ZXDC: variants seen among roughly 807,000 people sequenced by gnomAD.
ZXDC encodes ZXD family zinc finger C.
ZXDC carries 58 observed loss-of-function variants against 63.6 expected under a neutral mutation model. The ratio of observed to expected loss-of-function variants is 0.91; its 90% CI spans 0.74 to 1.13. The LOEUF (loss-of-function observed/expected upper bound fraction) is 1.13, where lower values mean the gene tolerates loss of function less well. Ranked by LOEUF, ZXDC falls within the 50% of genes most tolerant of loss-of-function variation. The probability of loss-of-function intolerance (pLI) is 0.00; values close to 1 mark genes in which losing one functional copy is unlikely to be tolerated. For missense variants in ZXDC, 1,133 were observed against 1,148.9 expected, an observed-to-expected ratio of 0.99 and a Z score of 0.20; for synonymous variants, 561 against 496.1, an observed-to-expected ratio of 1.13 and a Z score of -1.74.
At chr3:126,439,576 G>C in intron 9 of ZXDC, 56 bp downstream of exon 9, 6 of 1,550,808 alleles carry the variant, frequency 3.9e-6, no homozygotes, top group Non-Finnish European at 5.2e-6. Context: ...GCTTCTGGAA[G>C]TCGAAGGCTC....
At chr3:126,453,353 C>T (rs748068705) in intron 7 of ZXDC, 1 of 985,356 alleles carries the variant, frequency 1.0e-6, no homozygotes, top group Non-Finnish European at 1.2e-6. Flanking sequence ...TTTTCTTTGG[C>T]CCATACCAAA....
intron 5 of ZXDC, among the ~76,000 whole-genome samples, 162 bp from the exon 6 acceptor site, chr3:126,462,382 G>A (rs929610882): frequency 6.6e-5 from 10 of 152,150 alleles, no homozygotes; most frequent in South Asian, 6.2e-4. Context: ...ATGGCCGGTC[G>A]CTCAGGGCAA....
rs1934575147 is a variant in ZXDC at position 126,462,084 on chromosome 3, T to C, written c.1578A>G (p.Ala526=). 6.2e-7 allele frequency: 1 copy of C among 1,614,116 alleles called. No individual in the cohort carries two copies. The highest frequency in any genetic ancestry group is 8.5e-7 in the Non-Finnish European group (1 of 1,180,004). The change falls in exon 6 of 10, where the codon GCA becomes GCG. Residue 526 remains alanine, a synonymous_variant. Transcript: ENST00000389709. ...SDTPANASGS[A]GGSDEALNSG... ...AGTTCAGAGCCTCATCCGACCCACC[T>C]GCAGAACCACTAGCATTGGCAGGTG...
intron 8 of ZXDC, chr3:126,441,467 A>C (rs1373765224): frequency 7.6e-6 from 9 of 1,179,838 alleles, no homozygotes; most frequent in African/African-American, 1.6e-5. Flanking sequence ...GGCCTCGGGC[A>C]GGGAGGCGGG....
intron 5 of ZXDC, among the ~76,000 whole-genome samples, chr3:126,463,431 T>G (rs977093724): frequency 1.3e-5 from 2 of 152,224 alleles, no homozygotes; most frequent in Non-Finnish European, 2.9e-5. Flanking sequence ...ATAATACTCT[T>G]TAAATATTTG....
rs199666515 is a variant in ZXDC at position 126,461,583 on chromosome 3, G to A, written c.2079C>T (p.His693=). ...CACTGAGCTCTGTGTCCTGGGCACC[G>A]TGCTGCTCTGCTGGACTGGGCAACG... ...QSTLPSPAEQ[H]GAQDTELSAG... The change falls in exon 6 of 10, where the codon CAC becomes CAT. Residue 693 remains histidine, a synonymous_variant. Coordinates refer to ENST00000389709, the MANE Select transcript of ZXDC (RefSeq NM_025112.5). The A allele has an allele frequency of 1.1e-3, 1,755 of 1,614,170 alleles. 5 individuals are homozygous for A. The highest frequency in any genetic ancestry group is 1.4e-3 in the Non-Finnish European group (1,690 of 1,180,032).
chr3:126,470,825 C>T (rs766952346), intron 4 of ZXDC, 70 bp downstream of exon 4: 39 of 1,586,972 alleles, frequency 2.5e-5, no homozygotes, highest in Non-Finnish European at 2.9e-5. Context: ...CTTTAAACAA[C>T]GGAAACTTAA....
chr3:126,474,096 G>A (rs1935085035), intron 1 of ZXDC, among the ~76,000 whole-genome samples: 1 of 139,308 alleles, frequency 7.2e-6, no homozygotes, highest in Non-Finnish European at 1.5e-5. Flanking sequence ...ACGGTGTCTC[G>A]CTCTGTCGCC....
intron 8 of ZXDC, chr3:126,440,246 C>T (rs1933625085): frequency 1.0e-6 from 1 of 993,092 alleles, no homozygotes; most frequent in Admixed American, 5.6e-5. Context: ...ATCTGTCCCA[C>T]ACTTCGCCTG....
chr3:126,444,798 T>C (rs1576662764), intron 7 of ZXDC, among the ~76,000 whole-genome samples: 1 of 152,234 alleles, frequency 6.6e-6, no homozygotes, highest in Non-Finnish European at 1.5e-5. Flanking sequence ...AAATGTGTGC[T>C]AGAATGTATG....
In ZXDC at chr3:126,466,154, C is replaced by T; in HGVS notation, c.1441+1G>A. 6.2e-7 allele frequency: 1 copy of T among 1,612,524 alleles called. No individual in the cohort carries two copies. The highest frequency in any genetic ancestry group is 2.2e-5 in the East Asian group (1 of 44,850). On this transcript the variant is annotated splice_donor_variant, in intron 5 of 9. Transcript: ENST00000389709. LOFTEE classifies it high-confidence loss of function. ...CCATGGGGGCCGTGGAAAGTGCAGA[C>T]CTTGGCGCCGGCTGTGCTGTCTGAC... is the stretch of plus-strand genomic sequence containing the variant.
chr3:126,438,555 G>A, intron 9 of ZXDC, 94 bp from the exon 10 acceptor site: 1 of 1,101,872 alleles, frequency 9.1e-7, no homozygotes, highest in Admixed American at 2.5e-5. Flanking sequence ...CAGGCCCGTG[G>A]TGAGATACCT....
chr3:126,470,730 C>G (rs1217727552), intron 4 of ZXDC, among the ~76,000 whole-genome samples, 165 bp downstream of exon 4: 1 of 152,146 alleles, frequency 6.6e-6, no homozygotes, highest in African/African-American at 2.4e-5. Flanking sequence ...TCACTGCTCC[C>G]AAAATAGTAC....
chr3:126,467,545 G>A (rs1335082074), intron 4 of ZXDC, among the ~76,000 whole-genome samples: 2 of 152,186 alleles, frequency 1.3e-5, no homozygotes, highest in African/African-American at 4.8e-5. Context: ...AAGGAAAGAG[G>A]CTATGAAGAT....
Position 126,475,477 on chromosome 3 carries a change from G to A in ZXDC, c.389C>T (p.Thr130Ile), listed in dbSNP as rs780322245. Residue 130 changes from threonine to isoleucine, a missense_variant, in exon 1 of 10, where the codon ACC becomes ATC. Thr to Ile is a moderately conservative substitution (Grantham distance 89). Transcript: ENST00000389709. ...GPGVAPAGAV[T>I]ISSQDLLVRL... ...CACCAGCAGGTCCTGGCTGCTGATG[G>A]TGACGGCGCCCGCCGGGGCTACGCC... The A allele has an allele frequency of 2.5e-6, 3 of 1,213,916 alleles. No homozygotes were observed. The South Asian group carries it at 1.1e-4, about 44-fold the overall frequency. 75.2% of individuals were successfully genotyped at this position (1,213,916 alleles called of 1,614,324 possible).
chr3:126,450,590 G>A (rs529954140), intron 7 of ZXDC: 57 of 454,448 alleles, frequency 1.3e-4, no homozygotes, highest in Non-Finnish European at 2.1e-4. Flanking sequence ...GTGCACCTCC[G>A]GACTGACCGC....
chr3:126,444,519 G>A (rs371125063), intron 7 of ZXDC, among the ~76,000 whole-genome samples: 37 of 150,626 alleles, frequency 2.5e-4, no homozygotes, highest in African/African-American at 7.7e-4. Flanking sequence ...GTGACAGAGC[G>A]AGACTCCCTC....
At chr3:126,440,160 G>A (rs1576657320) in intron 8 of ZXDC, 2 of 1,008,328 alleles carry the variant, frequency 2.0e-6, no homozygotes, top group South Asian at 8.4e-5. Context: ...CGGGCCAGCT[G>A]GAAGGACCAG....
chr3:126,475,288 T>A lies in ZXDC; in HGVS notation c.578A>T (p.Lys193Met). Reference protein sequence around the residue: ...ALAFAKKHQLKVHLLTHGGGQ... With the variant: ...ALAFAKKHQLMVHLLTHGGGQ... ...GCCGCCGTGCGTGAGCAGGTGCACCTTGAGCTGGTGCTTCTTGGCGAAGGC... is the reference window on the plus strand; with the variant it reads ...GCCGCCGTGCGTGAGCAGGTGCACCATGAGCTGGTGCTTCTTGGCGAAGGC... The change falls in exon 1 of 10, where the codon AAG becomes ATG. Residue 193 changes from lysine to methionine, a missense_variant. By Grantham distance (95) the Lys-to-Met change is moderately conservative. Transcript: ENST00000389709. 6.4e-7 allele frequency: 1 copy of A among 1,550,878 alleles called. No homozygotes were observed. Among genetic ancestry groups the A allele is most frequent in the East Asian group, 2.4e-5 (1 of 40,934 alleles).
Sources: gnomAD v4.1 joint callset for allele counts (sites outside exome capture counted in the v4.1 genomes callset) on GRCh38, gnomAD v4.1.1 for gene constraint, MANE v1.5 for transcripts, NCBI Gene and HGNC (gene_info 2026-07-23, HGNC 2026-07-21) for gene names.